The following PPA2 variants were observed in gnomAD, a reference collection of about 807,000 sequenced individuals.
PPA2 encodes the protein inorganic pyrophosphatase 2.
Under a neutral mutation model 49.5 loss-of-function variants are expected in PPA2, and 48 were observed. The ratio of observed to expected loss-of-function variants is 0.97; its 90% confidence interval spans 0.77 to 1.23. The LOEUF (loss-of-function observed/expected upper bound fraction) is 1.23, where lower values mean the gene tolerates loss of function less well. Among genes scored for constraint, PPA2 ranks in the 50% most tolerant of loss-of-function variants. The pLI, the probability that PPA2 is intolerant of heterozygous loss-of-function variation, is 0.00. For synonymous variants in PPA2, 131 were observed against 139.9 expected (o/e 0.94, Z 0.45); for missense variants, 429 against 410.1 (o/e 1.05, Z -0.40).
intron 6 of PPA2, among the ~76,000 whole-genome samples, chr4:105,436,084 G>C (rs1214210467): frequency 6.6e-6 from 1 of 152,060 alleles, no homozygotes; most frequent in Non-Finnish European, 1.5e-5. Flanking sequence ...AAGACTCCTA[G>C]ACTTGTTAAA....
intron 7 of PPA2, among the ~76,000 whole-genome samples, chr4:105,404,093 G>A (rs1722345383): frequency 6.6e-6 from 1 of 151,374 alleles, no homozygotes; most frequent in Non-Finnish European, 1.5e-5. Context: ...ACCATGAACA[G>A]TATATATGAG....
intron 8 of PPA2, 24 bp downstream of exon 8, chr4:105,399,013 T>TA: frequency 6.2e-7 from 1 of 1,600,476 alleles, no homozygotes; most frequent in Non-Finnish European, 8.5e-7. Context: ...AGGTACATTT[T>TA]AAAATAAAGA....
In PPA2 at chr4:105,445,894, A is replaced by T. The variant is rs146088979; in HGVS notation, c.441+489T>A. ...TTAGCTCTTGTTTTCTCTGCTTTCT[A>T]CTTAAAAATTATTAACTCATAACAG... is the stretch of plus-strand genomic sequence containing the variant. On this transcript the variant is annotated intron_variant, in intron 5 of 11. Coordinates refer to ENST00000341695, the MANE Select transcript of PPA2 (RefSeq NM_176869.3). Among the ~76,000 whole-genome samples, 454 of 151,926 alleles carry T rather than the reference A, an allele frequency of 3.0e-3. 5 individuals carry two copies. The highest frequency in any genetic ancestry group is 0.011 in the African/African-American group (438 of 41,272).
intron 5 of PPA2, among the ~76,000 whole-genome samples, chr4:105,439,147 T>C (rs776325296): frequency 1.3e-5 from 2 of 152,270 alleles, no homozygotes; most frequent in Non-Finnish European, 1.5e-5. Context: ...CTAGCTAATA[T>C]ATACACACAC....
intron 2 of PPA2, among the ~76,000 whole-genome samples, chr4:105,454,296 CTGCTGCTGT>C (rs1200488610): frequency 0.029 from 3,326 of 115,668 alleles, 106 homozygotes; most frequent in African/African-American, 0.1. Flanking sequence ...TTTGTTTTTG[CTGCTGCTGT>C]TGTTGTTGTT....
chr4:105,385,455 A>C (rs540489493), intron 10 of PPA2, among the ~76,000 whole-genome samples: 22 of 152,230 alleles, frequency 1.4e-4, no homozygotes, highest in African/African-American at 5.3e-4. Flanking sequence ...AACAAACAAA[A>C]AAAACAATAA....
chr4:105,432,335 CGTCA>C (rs1723845062), intron 6 of PPA2, among the ~76,000 whole-genome samples: 1 of 151,956 alleles, frequency 6.6e-6, no homozygotes, highest in Admixed American at 6.6e-5. Context: ...TTCTTAAAAA[CGTCA>C]ATCAAAAAAA....
At chr4:105,447,736 CTT>C (rs5860798) in intron 4 of PPA2, among the ~76,000 whole-genome samples, 134 of 137,170 alleles carry the variant, frequency 9.8e-4, no homozygotes, top group African/African-American at 1.5e-3. Context: ...TTTCTTTTTT[CTT>C]TTTTTTTTTT....
intron 1 of PPA2, among the ~76,000 whole-genome samples, chr4:105,457,661 T>C (rs1265359433): frequency 1.3e-5 from 2 of 151,984 alleles, no homozygotes; most frequent in Admixed American, 1.3e-4. Flanking sequence ...GCAGCCTCAA[T>C]CTCCTGGTCT....
At chr4:105,447,494 T>C (rs1247044876) in intron 4 of PPA2, among the ~76,000 whole-genome samples, 1 of 152,232 alleles carries the variant, frequency 6.6e-6, no homozygotes, top group Non-Finnish European at 1.5e-5. Context: ...GTTAATAACG[T>C]ACATTTCAAA....
intron 7 of PPA2, among the ~76,000 whole-genome samples, chr4:105,400,589 C>T (rs140062414): frequency 2.6e-4 from 40 of 152,260 alleles, no homozygotes; most frequent in Non-Finnish European, 4.4e-4. Flanking sequence ...GCCAAGATCA[C>T]GCCATTGCAC....
At chr4:105,385,349 C>T (rs1436598817) in intron 10 of PPA2, among the ~76,000 whole-genome samples, 14 of 151,592 alleles carry the variant, frequency 9.2e-5, no homozygotes. Context: ...TTCTTTAATA[C>T]TGCATTCCCA....
chr4:105,430,290 T>C (rs1723735839), intron 6 of PPA2, among the ~76,000 whole-genome samples: 1 of 152,230 alleles, frequency 6.6e-6, no homozygotes, highest in African/African-American at 2.4e-5. Flanking sequence ...TAAATCTGCA[T>C]GGAATTGTAA....
intron 1 of PPA2, among the ~76,000 whole-genome samples, chr4:105,460,366 G>A (rs1723034134): frequency 1.3e-5 from 2 of 149,590 alleles, no homozygotes; most frequent in Non-Finnish European, 2.9e-5. Context: ...TAGGAGGAGT[G>A]CATAGGTCAT....
At chr4:105,423,778 G>T (rs543101980) in intron 7 of PPA2, among the ~76,000 whole-genome samples, 1 of 152,154 alleles carries the variant, frequency 6.6e-6, no homozygotes, top group Admixed American at 6.5e-5. Context: ...TTTTGTCATC[G>T]ATGAACACTC....
intron 6 of PPA2, among the ~76,000 whole-genome samples, chr4:105,428,851 T>C (rs564107742): frequency 6.6e-6 from 1 of 152,124 alleles, no homozygotes; most frequent in East Asian, 1.9e-4. Flanking sequence ...AAAAACTCAA[T>C]TGAAATGGAA....
chr4:105,431,545 A>G (rs1198434520), intron 6 of PPA2, among the ~76,000 whole-genome samples: 1 of 152,174 alleles, frequency 6.6e-6, no homozygotes, highest in African/African-American at 2.4e-5. Flanking sequence ...CTCAAAGAGT[A>G]AATTCAGAAT....
intron 7 of PPA2, among the ~76,000 whole-genome samples, chr4:105,413,245 C>T (rs10018885): frequency 1.1e-4 from 16 of 151,654 alleles, no homozygotes; most frequent in Non-Finnish European, 1.9e-4. Context: ...AACCAAACAC[C>T]ACTCATAGGT....
intron 6 of PPA2, among the ~76,000 whole-genome samples, chr4:105,436,022 T>C (rs1724036571): frequency 6.6e-6 from 1 of 152,168 alleles, no homozygotes; most frequent in African/African-American, 2.4e-5. Context: ...AAATGATCTC[T>C]GTTCACTAAT....
Sources: allele counts gnomAD v4.1 joint callset (sites outside exome capture counted in the v4.1 genomes callset), GRCh38; gene constraint gnomAD v4.1.1; transcripts MANE v1.5; gene names NCBI Gene and HGNC (gene_info 2026-07-23, HGNC 2026-07-21).